The following CPED1 variants were observed in gnomAD, a reference collection of about 807,000 sequenced individuals.
The protein encoded by CPED1 is cadherin-like and PC-esterase domain-containing protein 1.
CPED1 carries 114 observed loss-of-function variants against 128.2 expected under a neutral mutation model. That is an observed-to-expected ratio of 0.89 (90% CI 0.76 to 1.04). The LOEUF is 1.04. CPED1 is among the 50% of genes least tolerant of loss of function. The pLI, the probability that CPED1 is intolerant of heterozygous loss-of-function variation, is 0.00. For missense variants in CPED1, 1,211 were observed against 1,207.1 expected (o/e 1.00, Z -0.05); for synonymous variants, 462 against 426.7 (o/e 1.08, Z -1.02).
intron 14 of CPED1, among the ~76,000 whole-genome samples, chr7:121,140,596 C>T (rs946929920): frequency 2.0e-5 from 3 of 151,914 alleles, no homozygotes; most frequent in South Asian, 4.1e-4. Flanking sequence ...ATCTATATAA[C>T]GCCGACTAAA....
chr7:121,257,512 T>A lies in CPED1; in HGVS notation c.2311-8715T>A, dbSNP rs528437580. Among the ~76,000 whole-genome samples the A allele has an allele frequency of 6.7e-5, 5 of 75,016 alleles. No individual in the cohort carries two copies. The South Asian group carries it at 1.5e-3, about 22-fold the overall frequency. The allele number at this position is 75,016 out of a possible 152,430, so 49.2% of individuals were successfully genotyped here. The stretch of plus-strand genomic sequence containing the variant: ...CAGAGGGGAGAGCCTGAGAAAGATA[T>A]TTTTTTTTTATTCAGAATCACAGGA... On this transcript the variant is annotated intron_variant, in intron 18 of 22. Transcript: ENST00000310396.
intron 2 of CPED1, among the ~76,000 whole-genome samples, chr7:121,000,426 A>G (rs1420097409): frequency 6.6e-6 from 1 of 152,188 alleles, no homozygotes; most frequent in Non-Finnish European, 1.5e-5. Context: ...ATCTTAAAAA[A>G]TTTTATTCAA....
chr7:121,189,002 G>A (rs116990385), intron 16 of CPED1, among the ~76,000 whole-genome samples: 134 of 152,198 alleles, frequency 8.8e-4, no homozygotes, highest in East Asian at 2.3e-3. Context: ...CCCATTTGTC[G>A]TCATCCTTTG....
At chr7:121,026,656 C>G (rs891052053) in intron 3 of CPED1, among the ~76,000 whole-genome samples, 2 of 110,784 alleles carry the variant, frequency 1.8e-5, no homozygotes, top group African/African-American at 3.3e-5. Context: ...CAGACCAGGA[C>G]ATCATTATTT....
chr7:121,067,346 T>G (rs1315018129), intron 5 of CPED1, among the ~76,000 whole-genome samples: 2 of 152,006 alleles, frequency 1.3e-5, no homozygotes, highest in African/African-American at 4.8e-5. Context: ...TTCCCACCTA[T>G]GAGTGAGAAC....
chr7:121,096,944 TGAA>T (rs1448248526), intron 5 of CPED1, among the ~76,000 whole-genome samples: 2 of 152,194 alleles, frequency 1.3e-5, no homozygotes, highest in African/African-American at 4.8e-5. Context: ...ACTTTTATAT[TGAA>T]GAAATATATG....
chr7:121,077,434 A>G (rs1794158687), intron 5 of CPED1, among the ~76,000 whole-genome samples: 1 of 152,132 alleles, frequency 6.6e-6, no homozygotes, highest in African/African-American at 2.4e-5. Context: ...AGCAAAAAGA[A>G]AGCAAAAAAT....
intron 22 of CPED1, among the ~76,000 whole-genome samples, chr7:121,289,892 G>C (rs1792657558): frequency 6.6e-6 from 1 of 152,040 alleles, no homozygotes; most frequent in African/African-American, 2.4e-5. Flanking sequence ...GTGTCATGGT[G>C]GTTTGCTGCA....
chr7:121,244,216 C>A lies in CPED1; in HGVS notation c.2188C>A (p.Pro730Thr). The change falls in exon 18 of 23, where the codon CCT becomes ACT. Residue 730 changes from proline (P) to threonine (T), a missense_variant. Coordinates refer to ENST00000310396, the MANE Select transcript of CPED1 (RefSeq NM_024913.5). ...SGDMKGQWIVPCLSCSDNRTC... is the reference protein window; with the variant it reads ...SGDMKGQWIVTCLSCSDNRTC... ...ATCTATTCCAGGCCAGTGGATTGTGCCTTGCCTTAGTTGTTCGGACAACAG... is the reference window on the plus strand; with the variant it reads ...ATCTATTCCAGGCCAGTGGATTGTGACTTGCCTTAGTTGTTCGGACAACAG... The A allele has an allele frequency of 6.2e-7, 1 of 1,614,154 alleles. No individual in the cohort carries two copies. The highest frequency in any genetic ancestry group is 8.5e-7 in the Non-Finnish European group (1 of 1,180,014).
chr7:121,245,629 G>C (rs951984901), intron 18 of CPED1, among the ~76,000 whole-genome samples: 4 of 151,852 alleles, frequency 2.6e-5, no homozygotes, highest in Non-Finnish European at 5.9e-5. Context: ...TTCTGCTTAA[G>C]ATAAGTAAAG....
chr7:121,132,501 G>C (rs1795696096), intron 12 of CPED1, among the ~76,000 whole-genome samples: 1 of 152,020 alleles, frequency 6.6e-6, no homozygotes, highest in Non-Finnish European at 1.5e-5. Context: ...GAGAAAGTCA[G>C]GAAAGCTTGA....
chr7:121,295,469 TAA>T lies in CPED1; in HGVS notation c.2899_2900del (p.Asn967LeufsTer3), dbSNP rs771142322. ...TGAAATCAAAGTTATCCAAAGAATATAACTTTATTAAAATGAAAAGATCAAGA... is the reference window on the plus strand; with the variant it reads ...TGAAATCAAAGTTATCCAAAGAATATCTTTATTAAAATGAAAAGATCAAGA... The part of the protein sequence containing the change: ...VVKSKLSKEY[N>X]FIKMKRSRNH... On this transcript the variant is annotated frameshift_variant, in exon 23 of 23. Coordinates refer to ENST00000310396, the MANE Select transcript of CPED1 (RefSeq NM_024913.5). LOFTEE classifies it high-confidence loss of function. 8.1e-6 allele frequency: 13 copies of T among 1,613,170 alleles called. No individual in the cohort carries two copies. In the Admixed American group the frequency reaches 2.2e-4, roughly 27 times the overall value.
intron 3 of CPED1, among the ~76,000 whole-genome samples, chr7:121,026,827 C>CTTTTTTT (rs71170219): frequency 1.9e-4 from 16 of 83,450 alleles, no homozygotes; most frequent in East Asian, 7.7e-4. Flanking sequence ...CCTGTCAGTT[C>CTTTTTTT]TTTTTTTTTT....
At chr7:121,230,556 C>T (rs1004732812) in intron 16 of CPED1, among the ~76,000 whole-genome samples, 2 of 152,042 alleles carry the variant, frequency 1.3e-5, no homozygotes, top group Non-Finnish European at 2.9e-5. Context: ...AGAATGTCAG[C>T]ACAGATCAAA....
At chr7:121,229,571 G>T (rs1949803) in intron 16 of CPED1, among the ~76,000 whole-genome samples, 70,378 of 151,724 alleles carry the variant, frequency 0.46, 18,923 homozygotes, top group East Asian at 0.87. Flanking sequence ...AATATTGCAT[G>T]ATTTTCACTT....
chr7:121,127,179 T>A lies in CPED1; in HGVS notation c.1224T>A (p.Asn408Lys). The A allele has an allele frequency of 6.3e-7, 1 of 1,593,436 alleles. No individual in the cohort carries two copies. Among genetic ancestry groups the A allele is most frequent in the African/African-American group, 1.3e-5 (1 of 74,566 alleles). Reference sequence around the variant, plus strand: ...AATTCCTTTTAAATGACACTTTCAATTTTCTCTTCCCTAATGAATCATCAC... The same window carrying A: ...AATTCCTTTTAAATGACACTTTCAAATTTCTCTTCCCTAATGAATCATCAC... ...TEEFLLNDTF[N>K]FLFPNESSLS... The change falls in exon 10 of 23, where the codon AAT becomes AAA. Residue 408 changes from asparagine to lysine, a missense_variant. Transcript: ENST00000310396.
At chr7:121,199,436 T>C (rs554614971) in intron 16 of CPED1, among the ~76,000 whole-genome samples, 2 of 151,012 alleles carry the variant, frequency 1.3e-5, no homozygotes, top group Non-Finnish European at 3.0e-5. Flanking sequence ...TCCCAGCACG[T>C]TGGGAGGCAG....
chr7:121,073,241 G>A (rs1001717767), intron 5 of CPED1, among the ~76,000 whole-genome samples: 76 of 152,158 alleles, frequency 5.0e-4, no homozygotes, highest in African/African-American at 1.8e-3. Context: ...CCATAAGGAA[G>A]AGAAAATACA....
chr7:121,186,812 GA>G (rs1302183700), intron 16 of CPED1, among the ~76,000 whole-genome samples: 4 of 151,980 alleles, frequency 2.6e-5, no homozygotes, highest in Non-Finnish European at 5.9e-5. Context: ...TTCTAGAGGA[GA>G]AAAAAAATTC....
Sources: allele counts gnomAD v4.1 joint callset (sites outside exome capture counted in the v4.1 genomes callset), GRCh38; gene constraint gnomAD v4.1.1; transcripts MANE v1.5; gene names NCBI Gene and HGNC (gene_info 2026-07-23, HGNC 2026-07-21).